Variants in TLK1 observed in about 807,000 individuals in gnomAD.
The protein encoded by TLK1 is tousled like kinase 1.
In TLK1, 24 loss-of-function variants were observed where a neutral mutation model predicts 105.3. That is an observed-to-expected ratio of 0.23 (90% CI 0.17 to 0.32). The LOEUF is 0.32. Among genes scored for constraint, TLK1 ranks in the 10% least tolerant of loss-of-function variants. The probability of loss-of-function intolerance (pLI) is 1.00; values close to 1 mark genes in which losing one functional copy is unlikely to be tolerated. For synonymous variants in TLK1, 321 were observed against 310.4 expected, an observed-to-expected ratio of 1.03 and a Z score of -0.36; for missense variants, 558 against 910.5, an observed-to-expected ratio of 0.61 and a Z score of 4.98.
chr2:171,132,255 T>A (rs1460148575), intron 1 of TLK1, among the ~76,000 whole-genome samples: 2 of 152,160 alleles, frequency 1.3e-5, no homozygotes, highest in Admixed American at 1.3e-4. Flanking sequence ...CCATTACATC[T>A]TGTGAGAACT....
chr2:171,193,220 G>T (rs1171864486), intron 1 of TLK1, among the ~76,000 whole-genome samples: 3 of 152,104 alleles, frequency 2.0e-5, no homozygotes, highest in Non-Finnish European at 4.4e-5. Flanking sequence ...GAGGCCAACA[G>T]CCACACTTAG....
intron 12 of TLK1, among the ~76,000 whole-genome samples, chr2:171,024,565 A>C (rs1685687425): frequency 6.6e-6 from 1 of 152,214 alleles, no homozygotes; most frequent in African/African-American, 2.4e-5. Context: ...GGAAAGCCAC[A>C]AGTGAATTAA....
chr2:171,167,530 A>G (rs555647362), intron 1 of TLK1, among the ~76,000 whole-genome samples: 1 of 152,334 alleles, frequency 6.6e-6, no homozygotes, highest in African/African-American at 2.4e-5. Flanking sequence ...ACAATTCACA[A>G]AACCACTGCT....
chr2:171,104,832 T>C (rs1297576910), intron 2 of TLK1, among the ~76,000 whole-genome samples: 1 of 152,230 alleles, frequency 6.6e-6, no homozygotes, highest in Non-Finnish European at 1.5e-5. Context: ...TTTTGTATGT[T>C]GATTTTGTGT....
rs566099279 is a variant in TLK1, at chr2:171,225,324, C to T, written c.-6+5821G>A. 7.2e-5 allele frequency among the ~76,000 whole-genome samples: 11 copies of T among 152,176 alleles called. No individual in the cohort carries two copies. In the South Asian group the frequency reaches 2.3e-3, roughly 32 times the overall value. On this transcript the variant is annotated intron_variant, in intron 1 of 20. Transcript: ENST00000521943. ...CCCAATTTAAAAACAGGCAAAGGAT[C>T]TGCACAAACATTTCCCCAAAGAAGA... is the stretch of plus-strand genomic sequence containing the variant.
At chr2:171,217,195 T>G (rs1211014338) in intron 1 of TLK1, among the ~76,000 whole-genome samples, 6 of 152,250 alleles carry the variant, frequency 3.9e-5, no homozygotes. Flanking sequence ...ACATTATAGA[T>G]GCTTAATAAG....
rs1687345157 is a variant in TLK1 at position 171,053,505 on chromosome 2, G to GGCAC, written c.732+252_732+255dup. On this transcript the variant is annotated intron_variant, in intron 8 of 20. Transcript: ENST00000431350. ...AGCCTCCCAAGTAGCTGGCACTACA[G>GGCAC]GCACGCACCACCATGCCCAGCCAAT... 5.9e-5 allele frequency among the ~76,000 whole-genome samples: 9 copies of GGCAC among 152,132 alleles called. No individual in the cohort carries two copies. The South Asian group carries it at 1.9e-3, about 32-fold the overall frequency.
chr2:171,229,129 T>A (rs1693949154), intron 1 of TLK1, among the ~76,000 whole-genome samples: 1 of 152,210 alleles, frequency 6.6e-6, no homozygotes, highest in South Asian at 2.1e-4. Flanking sequence ...AGTCGTCACA[T>A]GTTCTTTTCC....
chr2:171,012,810 T>A (rs1281755626), intron 13 of TLK1, among the ~76,000 whole-genome samples: 1 of 152,002 alleles, frequency 6.6e-6, no homozygotes, highest in African/African-American at 2.4e-5. Flanking sequence ...TTTTTCAAGA[T>A]CAATTGACTC....
At chr2:171,062,579 C>T (rs914526171) in intron 3 of TLK1, among the ~76,000 whole-genome samples, 2 of 152,158 alleles carry the variant, frequency 1.3e-5, no homozygotes, top group Non-Finnish European at 2.9e-5. Flanking sequence ...ATCTCACCCT[C>T]TTACCCCACC....
intron 1 of TLK1, among the ~76,000 whole-genome samples, chr2:171,123,638 T>A (rs1690749470): frequency 6.6e-6 from 1 of 152,020 alleles, no homozygotes; most frequent in African/African-American, 2.4e-5. Context: ...GGAGACCCTG[T>A]CTCTACAAAA....
At chr2:171,033,894 A>T (rs1296982696) in intron 11 of TLK1, among the ~76,000 whole-genome samples, 18 of 150,206 alleles carry the variant, frequency 1.2e-4, no homozygotes, top group African/African-American at 4.4e-4. Flanking sequence ...AGATTTTTTA[A>T]AAAAAAAAAA....
At chr2:170,994,821 C>T in intron 20 of TLK1, 1 of 405,520 alleles carries the variant, frequency 2.5e-6, no homozygotes, top group Non-Finnish European at 4.9e-6. Flanking sequence ...GCCTCTTTCA[C>T]CCAATATTAA....
chr2:171,175,221 A>G lies in TLK1; in HGVS notation c.-6+55924T>C, dbSNP rs1692798724. The stretch of plus-strand genomic sequence containing the variant: ...GCACTCCAGCCTGAACTACAGAGTG[A>G]GATTGTTTCAAAAAAAGTACACTCA... On this transcript the variant is annotated intron_variant, in intron 1 of 20. Transcript: ENST00000521943. Among the ~76,000 whole-genome samples the G allele has an allele frequency of 2.0e-5, 3 of 152,198 alleles. No homozygotes were observed. The South Asian group carries it at 6.2e-4, about 32-fold the overall frequency.
At chr2:171,072,929 GAAAA>G (rs11387073) in intron 3 of TLK1, among the ~76,000 whole-genome samples, 2 of 123,522 alleles carry the variant, frequency 1.6e-5, no homozygotes, top group South Asian at 2.7e-4. Flanking sequence ...ACTCTGTCTC[GAAAA>G]AAAAAAAAAA....
intron 1 of TLK1, among the ~76,000 whole-genome samples, chr2:171,171,975 G>A (rs1489032449): frequency 6.6e-6 from 1 of 152,188 alleles, no homozygotes; most frequent in Non-Finnish European, 1.5e-5. Context: ...GTACAAGAAT[G>A]TTCATAAAGC....
chr2:171,056,669 A>G (rs1046142077), intron 5 of TLK1, 103 bp from the exon 6 acceptor site: 2 of 883,842 alleles, frequency 2.3e-6, no homozygotes, highest in African/African-American at 1.7e-5. Context: ...TAATTTTAAA[A>G]TAAGTAGTCA....
intron 4 of TLK1, chr2:171,059,794 G>A (rs541466311): frequency 6.5e-4 from 431 of 668,158 alleles, no homozygotes; most frequent in Non-Finnish European, 9.4e-4. Flanking sequence ...TCTCATAAGG[G>A]AGTGCATAAC....
intron 2 of TLK1, among the ~76,000 whole-genome samples, chr2:171,093,973 T>C (rs981383812): frequency 3.3e-5 from 5 of 152,120 alleles, no homozygotes; most frequent in Non-Finnish European, 7.3e-5. Context: ...ACTCAGAAGA[T>C]CACCAGCCTA....
Sources: gnomAD v4.1 joint callset for allele counts (sites outside exome capture counted in the v4.1 genomes callset) on GRCh38, gnomAD v4.1.1 for gene constraint, MANE v1.5 for transcripts, NCBI Gene and HGNC (gene_info 2026-07-23, HGNC 2026-07-21) for gene names.